PCSK5: variants seen among roughly 807,000 people sequenced by gnomAD.
PCSK5 encodes the protein prohormone convertase 5.
A neutral mutation model predicts 233.2 loss-of-function variants in PCSK5; 129 were observed. The observed-to-expected ratio is 0.55, with a 90% CI of 0.48 to 0.64. The LOEUF (loss-of-function observed/expected upper bound fraction) is 0.64. Among genes scored for constraint, PCSK5 ranks in the 30% least tolerant of loss-of-function variants. PCSK5 has a pLI of 0.00. For synonymous variants in PCSK5, 825 were observed against 879.2 expected, an observed-to-expected ratio of 0.94 and a Z score of 1.09; for missense variants, 2,076 against 2,430.1, an observed-to-expected ratio of 0.85 and a Z score of 3.06.
intron 12 of PCSK5, among the ~76,000 whole-genome samples, chr9:76,161,084 A>T (rs897162449): frequency 2.6e-5 from 4 of 152,120 alleles, no homozygotes; most frequent in African/African-American, 4.8e-5. Flanking sequence ...CGGAATCTGA[A>T]ATCTTCATGT....
chr9:76,132,922 T>G (rs1011207912), intron 9 of PCSK5, among the ~76,000 whole-genome samples: 2 of 151,804 alleles, frequency 1.3e-5, no homozygotes, highest in South Asian at 4.2e-4. Context: ...GGGAAAAAAA[T>G]GTAGTATAAA....
At chr9:76,188,811 T>C (rs1824226933) in intron 18 of PCSK5, 136 bp downstream of exon 18, 5 of 681,038 alleles carry the variant, frequency 7.3e-6, no homozygotes. Context: ...TTGATAATTG[T>C]GTGTGTATTC....
chr9:76,232,474 C>T (rs1017715128), intron 21 of PCSK5, among the ~76,000 whole-genome samples: 12 of 152,122 alleles, frequency 7.9e-5, no homozygotes, highest in Admixed American at 7.2e-4. Flanking sequence ...CACTGAGCAG[C>T]GGATCTCAAA....
intron 3 of PCSK5, among the ~76,000 whole-genome samples, chr9:76,002,711 G>A (rs1016026448): frequency 3.3e-5 from 5 of 152,086 alleles, no homozygotes; most frequent in Admixed American, 6.6e-5. Flanking sequence ...CCAAACTGGC[G>A]GAAGGGAAAC....
intron 2 of PCSK5, among the ~76,000 whole-genome samples, chr9:75,976,274 C>CCA (rs10562995): frequency 0.051 from 7,195 of 141,330 alleles, 198 homozygotes; most frequent in African/African-American, 0.072. Context: ...CACACAGACA[C>CCA]CACACACACA....
At chr9:76,238,845 A>G (rs922320445) in intron 22 of PCSK5, 114 bp from the exon 23 acceptor site, 1 of 725,462 alleles carries the variant, frequency 1.4e-6, no homozygotes, top group Non-Finnish European at 2.3e-6. Context: ...CTCATCCACT[A>G]GGAAAAAAAA....
intron 29 of PCSK5, among the ~76,000 whole-genome samples, chr9:76,309,245 A>C (rs1828792651): frequency 6.6e-6 from 1 of 152,182 alleles, no homozygotes; most frequent in East Asian, 1.9e-4. Context: ...CTTAATCTAA[A>C]GGCATGATGA....
At chr9:76,320,908 G>C (rs531824106) in intron 30 of PCSK5, among the ~76,000 whole-genome samples, 1 of 147,668 alleles carries the variant, frequency 6.8e-6, no homozygotes, top group Non-Finnish European at 1.5e-5. Context: ...TCTGCCTCCC[G>C]AGTTCAAGTG....
chr9:76,164,767 A>G (rs989055618), intron 12 of PCSK5, among the ~76,000 whole-genome samples: 7 of 152,204 alleles, frequency 4.6e-5, no homozygotes, highest in African/African-American at 1.4e-4. Context: ...GATGCTGTGC[A>G]AGGAAATTAC....
intron 9 of PCSK5, among the ~76,000 whole-genome samples, chr9:76,108,650 G>A (rs1832079581): frequency 6.6e-6 from 1 of 152,196 alleles, no homozygotes; most frequent in Non-Finnish European, 1.5e-5. Flanking sequence ...CTACTGGGGA[G>A]GCTGAGGCAG....
chr9:76,279,406 A>G (rs1827796286), intron 24 of PCSK5, among the ~76,000 whole-genome samples: 1 of 150,826 alleles, frequency 6.6e-6, no homozygotes, highest in Admixed American at 6.6e-5. Flanking sequence ...AGCATGATTT[A>G]TAGTCCTTTG....
chr9:76,187,238 T>C (rs1223946204), intron 17 of PCSK5, among the ~76,000 whole-genome samples: 1 of 152,216 alleles, frequency 6.6e-6, no homozygotes, highest in African/African-American at 2.4e-5. Context: ...TTTAAAACAA[T>C]GGAAACCATT....
chr9:76,217,905 C>T (rs112017452), intron 20 of PCSK5, among the ~76,000 whole-genome samples: 4,529 of 152,242 alleles, frequency 0.03, 108 homozygotes, highest in South Asian at 0.052. Flanking sequence ...CATTCCCCAC[C>T]CCCATCCATA....
intron 30 of PCSK5, among the ~76,000 whole-genome samples, chr9:76,321,109 C>T (rs1047186853): frequency 4.6e-5 from 6 of 131,392 alleles, no homozygotes; most frequent in Admixed American, 1.5e-4. Context: ...CCACCACACC[C>T]GGCCAGTTAG....
intron 8 of PCSK5, among the ~76,000 whole-genome samples, chr9:76,096,987 A>G (rs1183598640): frequency 6.6e-6 from 1 of 150,380 alleles, no homozygotes; most frequent in Non-Finnish European, 1.5e-5. Context: ...GCTGGAGTAC[A>G]GTGGTGCGAT....
intron 8 of PCSK5, among the ~76,000 whole-genome samples, chr9:76,104,308 G>A (rs1305427773): frequency 1.3e-5 from 2 of 152,166 alleles, no homozygotes; most frequent in African/African-American, 4.8e-5. Flanking sequence ...TGAGAAGGGA[G>A]TGGGGATGTT....
intron 5 of PCSK5, among the ~76,000 whole-genome samples, chr9:76,051,831 G>A (rs1479748205): frequency 3.3e-5 from 5 of 152,238 alleles, no homozygotes; most frequent in Non-Finnish European, 5.9e-5. Context: ...TGCTCCCAAC[G>A]CTCCAACCAC....
intron 34 of PCSK5, among the ~76,000 whole-genome samples, chr9:76,336,472 C>G (rs1829681893): frequency 1.3e-5 from 2 of 152,168 alleles, no homozygotes; most frequent in African/African-American, 4.8e-5. Context: ...TTGTTACCCT[C>G]TTTTATCTTG....
At position 76,338,404 on chromosome 9, in the gene PCSK5, A is replaced by C; in HGVS notation, c.4923A>C (p.Thr1641=). 1 of 1,612,768 alleles carries C rather than the reference A, an allele frequency of 6.2e-7. No homozygotes were observed. The highest frequency in any genetic ancestry group is 8.5e-7 in the Non-Finnish European group (1 of 1,179,788). The change falls in exon 35 of 38, where the codon ACA becomes ACC. Residue 1641 remains threonine (T), a synonymous_variant. Transcript: ENST00000674117. Reference sequence around the variant, plus strand: ...ACCATTACTATGTAGAGCAAAGCACACAGACCTGTGAGAGATGCCATCCGA... The same window carrying C: ...ACCATTACTATGTAGAGCAAAGCACCCAGACCTGTGAGAGATGCCATCCGA... ...CPDHYYVEQS[T]QTCERCHPTC...
Sources: gnomAD v4.1 joint callset for allele counts (sites outside exome capture counted in the v4.1 genomes callset) on GRCh38, gnomAD v4.1.1 for gene constraint, MANE v1.5 for transcripts, NCBI Gene and HGNC (gene_info 2026-07-23, HGNC 2026-07-21) for gene names.